The following UBE2O variants were observed in gnomAD, a reference collection of about 807,000 sequenced individuals.
The protein encoded by UBE2O is ubiquitin conjugating enzyme E2 O, also known as (E3-independent) E2 ubiquitin-conjugating enzyme.
In UBE2O, 15 loss-of-function variants were observed where a neutral mutation model predicts 125.8. The ratio of observed to expected loss-of-function variants is 0.12; its 90% confidence interval spans 0.08 to 0.18. UBE2O has a LOEUF of 0.18. UBE2O is among the 10% of genes least tolerant of loss of function. UBE2O has a pLI of 1.00. For synonymous variants in UBE2O, 708 were observed against 703.2 expected (o/e 1.01, Z -0.11); for missense variants, 1,280 against 1,723.6 (o/e 0.74, Z 4.56).
chr17:76,435,411 CACACAT>C (rs768578670), intron 1 of UBE2O, among the ~76,000 whole-genome samples: 7,498 of 50,314 alleles, frequency 0.15, 232 homozygotes, highest in Non-Finnish European at 0.22. Flanking sequence ...TACACACACA[CACACAT>C]ACACACACAC....
At chr17:76,446,940 G>A (rs1405729957) in intron 1 of UBE2O, among the ~76,000 whole-genome samples, 1 of 152,192 alleles carries the variant, frequency 6.6e-6, no homozygotes, top group African/African-American at 2.4e-5. Context: ...AGGGGTCAGG[G>A]AATGAAAAGA....
In UBE2O at chr17:76,405,299, C is replaced by T. The variant is rs753284361; in HGVS notation, c.495G>A (p.Thr165=). ...CACAGTCGATGTTGACGTCGATCAC[C>T]GTGCCACACTGACTGTCCTGGGGGA... The part of the protein sequence containing the change: ...HMRSTDSQCG[T]VIDVNIDCAV... The change falls in exon 3 of 18, where the codon ACG becomes ACA. Residue 165 remains threonine, a synonymous_variant. Transcript: ENST00000319380. The surrounding 1 kb of genome is among the most constrained non-coding windows in gnomAD (Gnocchi z 6.1). 8.7e-6 allele frequency: 14 copies of T among 1,611,996 alleles called. No homozygotes were observed. The highest frequency in any genetic ancestry group is 2.2e-5 in the East Asian group (1 of 44,782).
chr17:76,403,018 C>A (rs562990460), intron 3 of UBE2O, among the ~76,000 whole-genome samples: 1 of 152,254 alleles, frequency 6.6e-6, no homozygotes, highest in South Asian at 2.1e-4. Context: ...ACACAGGACA[C>A]CTGGCAAAGT....
chr17:76,450,621 T>C (rs1323069659), intron 1 of UBE2O, among the ~76,000 whole-genome samples: 1 of 151,956 alleles, frequency 6.6e-6, no homozygotes, highest in African/African-American at 2.4e-5. Flanking sequence ...AGTTGTTGTT[T>C]TTTTTTTCTT....
At chr17:76,439,444 C>T (rs2073047713) in intron 1 of UBE2O, among the ~76,000 whole-genome samples, 1 of 152,164 alleles carries the variant, frequency 6.6e-6, no homozygotes, top group African/African-American at 2.4e-5. Context: ...ACGTTATTTG[C>T]CTTTTTTCCT....
chr17:76,423,893 GTTCT>G (rs1206058191), intron 1 of UBE2O, among the ~76,000 whole-genome samples: 3 of 81,948 alleles, frequency 3.7e-5, no homozygotes, highest in African/African-American at 1.2e-4. Context: ...TCCAGGTTGG[GTTCT>G]TTTTTTTTTT....
Position 76,437,477 on chromosome 17 carries a change from A to G in UBE2O, c.417+15248T>C, listed in dbSNP as rs191296636. On this transcript the variant is annotated intron_variant, in intron 1 of 17. Transcript: ENST00000319380. ...AAAAAAAAAAAAAGAAAAAGAAAAA[A>G]AAAGGCAATTATGTTAAATGCAATG... Among the ~76,000 whole-genome samples the G allele has an allele frequency of 5.4e-3, 827 of 152,208 alleles. 6 individuals carry two copies. Among genetic ancestry groups the G allele is most frequent in the Non-Finnish European group, 9.4e-3 (639 of 68,010 alleles).
chr17:76,451,758 A>G (rs1033814228), intron 1 of UBE2O, among the ~76,000 whole-genome samples: 1 of 147,622 alleles, frequency 6.8e-6, no homozygotes, highest in Admixed American at 6.8e-5. Context: ...GGAGAGAAAG[A>G]AGGGGTGTGA....
At chr17:76,413,637 C>T (rs768477240) in intron 1 of UBE2O, among the ~76,000 whole-genome samples, 1 of 152,094 alleles carries the variant, frequency 6.6e-6, no homozygotes, top group Non-Finnish European at 1.5e-5. Context: ...GGAGAATCTC[C>T]ACTCTACTGA....
At chr17:76,394,400 A>G (rs2072168212) in intron 15 of UBE2O, among the ~76,000 whole-genome samples, 1 of 152,130 alleles carries the variant, frequency 6.6e-6, no homozygotes, top group African/African-American at 2.4e-5. Context: ...AGTAAACATG[A>G]CTCAGAGACA....
chr17:76,430,881 C>CA, intron 1 of UBE2O: 6 of 411,154 alleles, frequency 1.5e-5, no homozygotes, highest in Admixed American at 2.6e-5. Context: ...TCTGCAGGCA[C>CA]AAAAAAGTTG....
chr17:76,396,368 T>A lies in UBE2O; in HGVS notation c.2569A>T (p.Ile857Phe), dbSNP rs2072209302. The change falls in exon 14 of 18, where the codon ATC (isoleucine) becomes TTC (phenylalanine). Residue 857 changes from isoleucine to phenylalanine, a missense_variant. Ile to Phe is a conservative substitution (Grantham distance 21). This residue lies in a region of UBE2O where 2 missense variants were observed against 18.7 expected (regional missense o/e 0.11). Coordinates refer to ENST00000319380, the MANE Select transcript of UBE2O (RefSeq NM_022066.4). The surrounding 1 kb of genome is among the most constrained non-coding windows in gnomAD (Gnocchi z 6.7). The stretch of plus-strand genomic sequence containing the variant: ...TTGAGGTTTTCCTGTAGCTTCTTGA[T>A]GTCATCCAGAAACTTCTTCTCCCGA... ...PTREKKFLDD[I>F]KKLQENLKKT... 1 of 1,614,088 alleles carries A rather than the reference T, an allele frequency of 6.2e-7. No homozygotes were observed. Among genetic ancestry groups the A allele is most frequent in the African/African-American group, 1.3e-5 (1 of 74,928 alleles).
intron 1 of UBE2O, among the ~76,000 whole-genome samples, chr17:76,445,276 C>T (rs1476446942): frequency 3.4e-5 from 5 of 146,722 alleles, no homozygotes; most frequent in Non-Finnish European, 6.0e-5. Context: ...TTTTTACTTT[C>T]AATTATCATA....
rs1352525601 is a variant in UBE2O at position 76,405,881 on chromosome 17, G to A, written c.418-309C>T. Among the ~76,000 whole-genome samples the A allele has an allele frequency of 6.6e-6, 1 of 152,186 alleles. No individual in the cohort carries two copies. The highest frequency in any genetic ancestry group is 1.5e-5 in the Non-Finnish European group (1 of 68,026). On this transcript the variant is annotated intron_variant, in intron 1 of 17. Transcript: ENST00000319380. The surrounding 1 kb of genome is among the most constrained non-coding windows in gnomAD (Gnocchi z 6.1). The stretch of plus-strand genomic sequence containing the variant: ...TGCAGCTCAATGACAGATCACATAA[G>A]GCTGCACTTTAATGAAGGATTTAAC...
chr17:76,412,825 C>G (rs376102165), intron 1 of UBE2O, among the ~76,000 whole-genome samples: 1 of 152,128 alleles, frequency 6.6e-6, no homozygotes, highest in Non-Finnish European at 1.5e-5. Flanking sequence ...CTGGCCAACA[C>G]GGTGAAACCC....
rs1183457894 is a variant in UBE2O at position 76,395,796 on chromosome 17, G to A, written c.2875C>T (p.Arg959Trp). Residue 959 changes from arginine (R) to tryptophan (W), a missense_variant, in exon 15 of 18, where the codon CGG becomes TGG. By Grantham distance (101) the Arg-to-Trp change is moderately radical. Around this residue, in one of 10 missense-constraint regions of UBE2O, gnomAD observed 116 missense variants for 154.8 expected, o/e 0.75. Transcript: ENST00000319380. This position sits in a 1 kb window ranked among gnomAD's most constrained non-coding sequence, Gnocchi z 5.0. ...GTAGCCAGCAGCGCCATCTCCTTCC[G>A]CACTGTGCTGAAGAACTTCTTGGCT... ...PEAKKFFSTVRKEMALLATSL... is the reference protein window; with the variant it reads ...PEAKKFFSTVWKEMALLATSL... 2.5e-6 allele frequency: 4 copies of A among 1,614,216 alleles called. No homozygotes were observed. The highest frequency in any genetic ancestry group is 3.4e-6 in the Non-Finnish European group (4 of 1,180,034).
In UBE2O at chr17:76,405,625, T is replaced by C; in HGVS notation, c.418-53A>G. ...AATGGACTCTGAAGCCACCACAGAA[T>C]ACAGTTTTCTTCCAGCTTCTGAAGG... On this transcript the variant is annotated intron_variant, in intron 1 of 17. Coordinates refer to ENST00000319380, the MANE Select transcript of UBE2O (RefSeq NM_022066.4). This position sits in a 1 kb window ranked among gnomAD's most constrained non-coding sequence, Gnocchi z 6.1. The C allele has an allele frequency of 6.8e-7, 1 of 1,461,686 alleles. No homozygotes were observed. The highest frequency in any genetic ancestry group is 1.2e-5 in the South Asian group (1 of 82,714). 90.5% of individuals were successfully genotyped at this position (1,461,686 alleles called of 1,614,324 possible). A position where few individuals can be genotyped will look rare whatever the true frequency, so the allele number is the denominator to read the frequency against.
rs781115431 is a variant in UBE2O at position 76,410,679 on chromosome 17, A to G, written c.418-5107T>C. On this transcript the variant is annotated intron_variant, in intron 1 of 17. Transcript: ENST00000319380. This position sits in a 1 kb window ranked among gnomAD's most constrained non-coding sequence, Gnocchi z 4.0. ...GGGCACTTCTGTTGTGCCCCATTTG[A>G]GCTCCCCGAAGCTATGCTGGGGGCC... Among the ~76,000 whole-genome samples the G allele has an allele frequency of 3.9e-5, 6 of 152,070 alleles. No homozygotes were observed. The highest frequency in any genetic ancestry group is 5.9e-5 in the Non-Finnish European group (4 of 67,996).
At position 76,432,248 on chromosome 17, in the gene UBE2O, A is replaced by G. The variant is rs541622523; in HGVS notation, c.417+20477T>C. 2.6e-5 allele frequency among the ~76,000 whole-genome samples: 4 copies of G among 152,296 alleles called. No homozygotes were observed. In the South Asian group the frequency reaches 8.3e-4, roughly 32 times the overall value. On this transcript the variant is annotated intron_variant, in intron 1 of 17. Coordinates refer to ENST00000319380, the MANE Select transcript of UBE2O (RefSeq NM_022066.4). The stretch of plus-strand genomic sequence containing the variant: ...GCACAACCATGTCTTAGACCCGTCA[A>G]ACTGCTACGGAAAGGACTCAGTTAT...
Sources: gnomAD v4.1 joint callset for allele counts (sites outside exome capture counted in the v4.1 genomes callset) on GRCh38, gnomAD v4.1.1 for gene constraint, gnomAD v4.1.1 regional missense constraint, Gnocchi (gnomAD v3.1) non-coding constraint, MANE v1.5 for transcripts, NCBI Gene and HGNC (gene_info 2026-07-23, HGNC 2026-07-21) for gene names.